MARCHF8: variants seen among roughly 807,000 people sequenced by gnomAD.
MARCHF8 encodes E3 ubiquitin-protein ligase MARCHF8.
Under a neutral mutation model 51.6 loss-of-function variants are expected in MARCHF8, and 40 were observed. The observed-to-expected ratio is 0.77, with a 90% CI of 0.60 to 1.01. MARCHF8 has a LOEUF of 1.01. Among genes scored for constraint, MARCHF8 ranks in the 50% least tolerant of loss-of-function variants. The probability of loss-of-function intolerance (pLI) is 0.00; values close to 1 mark genes in which losing one functional copy is unlikely to be tolerated. For synonymous variants in MARCHF8, 263 were observed against 280.3 expected (o/e 0.94, Z 0.62); for missense variants, 685 against 708.6 (o/e 0.97, Z 0.38).
Position 45,456,720 on chromosome 10 carries a change from C to T in MARCHF8, c.*1519G>A, listed in dbSNP as rs1040379755. ...TCTGCGCTACATTGTGCTTCAGGCC[C>T]CCCCAGCAACTTTCCCGGAGGTAAC... is the stretch of plus-strand genomic sequence containing the variant. On this transcript the variant is annotated 3_prime_UTR_variant, in exon 8 of 8. Transcript: ENST00000453424. 2 of 152,208 alleles carry T rather than the reference C, an allele frequency of 1.3e-5. No homozygotes were observed. Among genetic ancestry groups the T allele is most frequent in the African/African-American group, 2.4e-5 (1 of 41,438 alleles). The allele number at this position is 152,208 out of a possible 1,614,324, so 9.4% of individuals were successfully genotyped here. A position where few individuals can be genotyped will look rare whatever the true frequency, so the allele number is the denominator to read the frequency against.
chr10:45,498,450 C>G (rs977283574), intron 2 of MARCHF8, among the ~76,000 whole-genome samples: 3 of 152,012 alleles, frequency 2.0e-5, no homozygotes, highest in Middle Eastern at 3.4e-3. Context: ...ATAATGTCCT[C>G]AAGATTCCTC....
intron 2 of MARCHF8, 103 bp downstream of exon 2, chr10:45,533,007 T>C (rs1407409761): frequency 3.8e-6 from 3 of 794,988 alleles, no homozygotes; most frequent in East Asian, 3.0e-5. Context: ...GTCAGTATAT[T>C]ATCAGAGAAA....
upstream of MARCHF8, among the ~76,000 whole-genome samples, chr10:45,538,207 C>T (rs1269649097): frequency 1.3e-5 from 2 of 152,272 alleles, no homozygotes; most frequent in African/African-American, 2.4e-5. Context: ...ATTTCATATC[C>T]AGCCAAACTA....
chr10:45,536,422 C>A (rs1216925631), upstream of MARCHF8, among the ~76,000 whole-genome samples: 1 of 151,804 alleles, frequency 6.6e-6, no homozygotes, highest in Non-Finnish European at 1.5e-5. Flanking sequence ...AGAATAAAAA[C>A]TTTTGTGCTT....
At chr10:45,539,271 G>A (rs1434540817), upstream of MARCHF8, among the ~76,000 whole-genome samples, 3 of 152,288 alleles carry the variant, frequency 2.0e-5, no homozygotes, top group East Asian at 3.9e-4. Flanking sequence ...TGAAACCAAT[G>A]AGAACAAACA....
Position 45,463,539 on chromosome 10 carries a change from C to T in MARCHF8, c.700G>A (p.Gly234Ser). ...AGCAGGCCGGGCCTGCCCCCCTTGC[C>T]AGCTTCCACCTCTGAGGCAGTTGAG... ...GRSTASEVEA[G>S]KGGRPGLLLE... The change falls in exon 5 of 8, where the codon GGC becomes AGC. Residue 234 changes from glycine to serine, a missense_variant. Gly to Ser is a moderately conservative substitution (Grantham distance 56). Coordinates refer to ENST00000453424, the MANE Select transcript of MARCHF8 (RefSeq NM_001282866.2). 9.7e-6 allele frequency: 15 copies of T among 1,550,680 alleles called. No individual in the cohort carries two copies. The highest frequency in any genetic ancestry group is 1.3e-5 in the Non-Finnish European group (15 of 1,147,016).
At chr10:45,556,619 AT>A in intron 1 of MARCHF8, among the ~76,000 whole-genome samples, 1 of 152,248 alleles carries the variant, frequency 6.6e-6, no homozygotes, top group East Asian at 1.9e-4. Context: ...GGCATATAAA[AT>A]TTTTCAGGAT....
intron 3 of MARCHF8, among the ~76,000 whole-genome samples, chr10:45,478,592 CA>C (rs1050941816): frequency 7.0e-6 from 1 of 142,456 alleles, no homozygotes; most frequent in Non-Finnish European, 1.6e-5. Context: ...ATCAATGAAA[CA>C]AAAAATTAAT....
At chr10:45,514,211 G>A (rs182445184) in intron 2 of MARCHF8, among the ~76,000 whole-genome samples, 1 of 152,322 alleles carries the variant, frequency 6.6e-6, no homozygotes, top group African/African-American at 2.4e-5. Context: ...TTTTCTGGCT[G>A]GGAACCTCAA....
chr10:45,502,652 A>G (rs997224100), intron 2 of MARCHF8, among the ~76,000 whole-genome samples: 2 of 152,238 alleles, frequency 1.3e-5, no homozygotes, highest in Admixed American at 1.3e-4. Context: ...TCATTTTTCA[A>G]ATATTGACAA....
At chr10:45,544,452 C>T (rs960852787) in intron 1 of MARCHF8, among the ~76,000 whole-genome samples, 1 of 151,972 alleles carries the variant, frequency 6.6e-6, no homozygotes, top group Non-Finnish European at 1.5e-5. Context: ...CATAATAGCC[C>T]AAAACTGGAA....
intron 2 of MARCHF8, among the ~76,000 whole-genome samples, chr10:45,504,528 G>A (rs1021176823): frequency 1.3e-5 from 2 of 152,170 alleles, no homozygotes; most frequent in African/African-American, 4.8e-5. Flanking sequence ...TGTTTTTTCT[G>A]TATAAGCTAA....
At chr10:45,524,159 A>G (rs1384381250) in intron 2 of MARCHF8, among the ~76,000 whole-genome samples, 2 of 152,236 alleles carry the variant, frequency 1.3e-5, no homozygotes, top group Admixed American at 1.3e-4. Context: ...TTAATGTTTT[A>G]TAACAGCATA....
intron 1 of MARCHF8, among the ~76,000 whole-genome samples, chr10:45,591,826 C>G (rs2044684273): frequency 1.3e-5 from 2 of 152,132 alleles, no homozygotes; most frequent in South Asian, 4.1e-4. Flanking sequence ...AGATTCCTTG[C>G]CCTTATCCAC....
At chr10:45,463,040 C>G in intron 5 of MARCHF8, 111 bp downstream of exon 5, 1 of 1,366,504 alleles carries the variant, frequency 7.3e-7, no homozygotes, top group South Asian at 1.5e-5. Context: ...CAACCCACAA[C>G]TGGTTACAAC....
chr10:45,468,007 T>C (rs993394688), intron 3 of MARCHF8, among the ~76,000 whole-genome samples: 1 of 152,210 alleles, frequency 6.6e-6, no homozygotes, highest in Non-Finnish European at 1.5e-5. Context: ...AAATCCTCCC[T>C]TCTTCAGATG....
rs564426769 is a variant in MARCHF8, at chr10:45,486,424, C to T, written c.153+2943G>A. On this transcript the variant is annotated intron_variant, in intron 3 of 7. Transcript: ENST00000453424. Reference sequence around the variant, plus strand: ...ACTAAAAATACAAAAATTAGCTGGGCGTGGTGGCACGCACCTGTAATCCCA... The same window carrying T: ...ACTAAAAATACAAAAATTAGCTGGGTGTGGTGGCACGCACCTGTAATCCCA... Among the ~76,000 whole-genome samples, 12 of 152,178 alleles carry T rather than the reference C, an allele frequency of 7.9e-5. No homozygotes were observed. In the East Asian group the frequency reaches 2.1e-3, roughly 27 times the overall value.
rs377665686 is a variant in MARCHF8, at chr10:45,459,283, A to G, written c.1270-16T>C. The G allele has an allele frequency of 1.9e-6, 3 of 1,613,338 alleles. No homozygotes were observed. On this transcript the variant is annotated splice_polypyrimidine_tract_variant and intron_variant, in intron 6 of 7. Transcript: ENST00000453424. Reference sequence around the variant, plus strand: ...ACTTCTCCCACTAGAAAGACAACACAGAGTGTGAGGCTCAGGCTTCTGGGG... The same window carrying G: ...ACTTCTCCCACTAGAAAGACAACACGGAGTGTGAGGCTCAGGCTTCTGGGG...
chr10:45,463,563 A>G lies in MARCHF8; in HGVS notation c.676T>C (p.Ser226Pro). The change falls in exon 5 of 8, where the codon TCA (serine) becomes CCA (proline). Residue 226 changes from serine to proline, a missense_variant. By Grantham distance (74) the Ser-to-Pro change is moderately conservative (BLOSUM62 -1). Coordinates refer to ENST00000453424, the MANE Select transcript of MARCHF8 (RefSeq NM_001282866.2). ...CCAGCTTCCACCTCTGAGGCAGTTG[A>G]GCGACCGGCAGAAAGGCATGAAACA... ...SCVSCLSAGR[S>P]TASEVEAGKG... The G allele has an allele frequency of 1.3e-6, 2 of 1,550,634 alleles. No individual in the cohort carries two copies. The highest frequency in any genetic ancestry group is 1.7e-6 in the Non-Finnish European group (2 of 1,147,002).
Sources: allele counts gnomAD v4.1 joint callset (sites outside exome capture counted in the v4.1 genomes callset), GRCh38; gene constraint gnomAD v4.1.1; transcripts MANE v1.5; gene names NCBI Gene and HGNC (gene_info 2026-07-23, HGNC 2026-07-21).